EPHA3: variants seen among roughly 807,000 people sequenced by gnomAD.
EPHA3 encodes EPH receptor A3.
Under a neutral mutation model 107.1 loss-of-function variants are expected in EPHA3, and 42 were observed. That is an observed-to-expected ratio of 0.39 (90% CI 0.31 to 0.51). EPHA3 has a LOEUF of 0.51. Ranked by LOEUF, EPHA3 falls within the 20% of genes least tolerant of loss-of-function variation. EPHA3 has a pLI of 0.78. For synonymous variants in EPHA3, 461 were observed against 424.8 expected (o/e 1.09, Z -1.05); for missense variants, 1,183 against 1,211.2 (o/e 0.98, Z 0.35).
intron 15 of EPHA3, among the ~76,000 whole-genome samples, chr3:89,456,244 T>C (rs1262120081): frequency 6.6e-6 from 1 of 151,916 alleles, no homozygotes; most frequent in Non-Finnish European, 1.5e-5. Flanking sequence ...CCTAAAAATT[T>C]AATAGGAGAC....
chr3:89,449,295 A>T lies in EPHA3; in HGVS notation c.2417A>T (p.Asp806Val), dbSNP rs760090119. 3 of 1,613,000 alleles carry T rather than the reference A, an allele frequency of 1.9e-6. No individual in the cohort carries two copies. Among genetic ancestry groups the T allele is most frequent in the Non-Finnish European group, 2.5e-6 (3 of 1,179,284 alleles). ...IAYRKFTSAS[D>V]VWSYGIVLWE... The stretch of plus-strand genomic sequence containing the variant: ...TACCGCAAGTTCACGTCAGCCAGCG[A>T]TGTATGGAGTTATGGGATTGTTCTC... The change falls in exon 14 of 17, where the codon GAT becomes GTT. Residue 806 changes from aspartate (D) to valine (V), a missense_variant. By Grantham distance (152) the Asp-to-Val change is radical. Coordinates refer to ENST00000336596, the MANE Select transcript of EPHA3 (RefSeq NM_005233.6).
At chr3:89,442,635 T>G (rs553293835) in intron 13 of EPHA3, among the ~76,000 whole-genome samples, 1 of 152,250 alleles carries the variant, frequency 6.6e-6, no homozygotes, top group Non-Finnish European at 1.5e-5. Flanking sequence ...AGAGAAACCT[T>G]GCCTACAAGG....
At position 89,316,082 on chromosome 3, in the gene EPHA3, C is replaced by T. The variant is rs866658786; in HGVS notation, c.815-24834C>T. 4.0e-5 allele frequency among the ~76,000 whole-genome samples: 6 copies of T among 151,688 alleles called. No homozygotes were observed. The South Asian group carries it at 8.3e-4, about 21-fold the overall frequency. ...AAAAAATAACGCAAAAAATAAGTTG[C>T]CATAACCCACAGCTTGCCTGGGACA... On this transcript the variant is annotated intron_variant, in intron 3 of 16. Coordinates refer to ENST00000336596, the MANE Select transcript of EPHA3 (RefSeq NM_005233.6).
At chr3:89,185,614 T>C (rs1188459078) in intron 2 of EPHA3, among the ~76,000 whole-genome samples, 1 of 152,114 alleles carries the variant, frequency 6.6e-6, no homozygotes. Flanking sequence ...GGCAAAAATG[T>C]GAAGTAGGTG....
chr3:89,372,662 T>C (rs1372110422), intron 5 of EPHA3, among the ~76,000 whole-genome samples: 1 of 151,792 alleles, frequency 6.6e-6, no homozygotes. Flanking sequence ...TTAAATCAAA[T>C]GAATCATCCT....
chr3:89,287,444 G>A (rs1576290506), intron 3 of EPHA3, among the ~76,000 whole-genome samples: 5 of 152,168 alleles, frequency 3.3e-5, no homozygotes, highest in Middle Eastern at 6.8e-3. Flanking sequence ...GATAATGATG[G>A]GGTCAATAAA....
At chr3:89,383,629 ACTT>A (rs1559674437) in intron 5 of EPHA3, among the ~76,000 whole-genome samples, 2 of 139,040 alleles carry the variant, frequency 1.4e-5, no homozygotes, top group Non-Finnish European at 3.1e-5. Flanking sequence ...TGGTCAGCCT[ACTT>A]CTTCTTCTTT....
Position 89,280,364 on chromosome 3 carries a change from T to A in EPHA3, c.815-60552T>A, listed in dbSNP as rs147802779. 3.3e-5 allele frequency among the ~76,000 whole-genome samples: 5 copies of A among 152,116 alleles called. No individual in the cohort carries two copies. In the East Asian group the frequency reaches 9.7e-4, roughly 29 times the overall value. On this transcript the variant is annotated intron_variant, in intron 3 of 16. Transcript: ENST00000336596. ...GAGAGTATCTCAGAGTTAATAGTAATCAATAAAAAGCCTCCAGAGGTTGAA... is the reference window on the plus strand; with the variant it reads ...GAGAGTATCTCAGAGTTAATAGTAAACAATAAAAAGCCTCCAGAGGTTGAA...
chr3:89,363,072 C>T (rs1437064433), intron 5 of EPHA3, among the ~76,000 whole-genome samples: 1 of 150,834 alleles, frequency 6.6e-6, no homozygotes, highest in Non-Finnish European at 1.5e-5. Flanking sequence ...TCTTTTTAAA[C>T]ATAGGTTTTG....
intron 2 of EPHA3, among the ~76,000 whole-genome samples, chr3:89,163,049 G>C (rs1478916697): frequency 1.3e-5 from 2 of 152,078 alleles, no homozygotes; most frequent in Admixed American, 1.3e-4. Context: ...TATTTACCAG[G>C]ATATTTCATT....
intron 3 of EPHA3, among the ~76,000 whole-genome samples, chr3:89,336,659 T>C (rs1370138996): frequency 6.6e-6 from 1 of 152,184 alleles, no homozygotes; most frequent in Non-Finnish European, 1.5e-5. Context: ...AAATACAGCA[T>C]GTCACTGTCG....
intron 3 of EPHA3, among the ~76,000 whole-genome samples, chr3:89,252,285 CAT>C (rs1705181273): frequency 6.6e-6 from 1 of 152,034 alleles, no homozygotes; most frequent in African/African-American, 2.4e-5. Context: ...CATATTTAAA[CAT>C]ATATTATGCT....
chr3:89,263,494 G>A (rs192521972), intron 3 of EPHA3, among the ~76,000 whole-genome samples: 1 of 152,238 alleles, frequency 6.6e-6, no homozygotes, highest in African/African-American at 2.4e-5. Context: ...GGATTTTATC[G>A]CTGGCGAAAG....
chr3:89,315,373 C>A (rs1181141903), intron 3 of EPHA3, among the ~76,000 whole-genome samples: 1 of 151,700 alleles, frequency 6.6e-6, no homozygotes, highest in Admixed American at 6.6e-5. Flanking sequence ...TGTGATGAGA[C>A]GTGGTGTAAG....
rs1451916269 is a variant in EPHA3 at position 89,466,433 on chromosome 3, G to A, written c.2691-6031G>A. On this transcript the variant is annotated intron_variant, in intron 15 of 16. Transcript: ENST00000336596. ...TGGCGGGCGCCCCTCCCCCAGCCTCGTTGCCGCCTTGCAGTTTGATCTCAG... is the reference window on the plus strand; with the variant it reads ...TGGCGGGCGCCCCTCCCCCAGCCTCATTGCCGCCTTGCAGTTTGATCTCAG... Among the ~76,000 whole-genome samples, 19 of 120,670 alleles carry A rather than the reference G, an allele frequency of 1.6e-4. 2 individuals carry two copies. The highest frequency in any genetic ancestry group is 4.3e-4 in the East Asian group (2 of 4,660). 79.2% of individuals were successfully genotyped at this position (120,670 alleles called of 152,430 possible).
At chr3:89,121,630 G>A (rs562024175) in intron 1 of EPHA3, among the ~76,000 whole-genome samples, 2 of 152,034 alleles carry the variant, frequency 1.3e-5, no homozygotes, top group Non-Finnish European at 2.9e-5. Flanking sequence ...GGTGGCACAC[G>A]CCTGTAGTCC....
At chr3:89,184,175 T>C (rs1469593186) in intron 2 of EPHA3, among the ~76,000 whole-genome samples, 4 of 152,034 alleles carry the variant, frequency 2.6e-5, no homozygotes, top group Admixed American at 2.6e-4. Flanking sequence ...TATTCTTAGA[T>C]AGAAATTGAA....
intron 2 of EPHA3, among the ~76,000 whole-genome samples, chr3:89,128,427 A>C (rs1425742090): frequency 6.6e-6 from 1 of 152,150 alleles, no homozygotes; most frequent in Non-Finnish European, 1.5e-5. Flanking sequence ...TTAAGATAAA[A>C]GCACAGCCTA....
intron 15 of EPHA3, among the ~76,000 whole-genome samples, chr3:89,466,305 AGAGGTG>A (rs1710273301): frequency 2.3e-5 from 1 of 43,080 alleles, no homozygotes; most frequent in African/African-American, 1.2e-4. Context: ...CCCTGCCCCC[AGAGGTG>A]GAGCCTACAG....
Sources: allele counts gnomAD v4.1 joint callset (sites outside exome capture counted in the v4.1 genomes callset), GRCh38; gene constraint gnomAD v4.1.1; transcripts MANE v1.5; gene names NCBI Gene and HGNC (gene_info 2026-07-23, HGNC 2026-07-21).